PDE3A: variants seen among roughly 807,000 people sequenced by gnomAD.
PDE3A encodes the protein phosphodiesterase 3A.
A neutral mutation model predicts 98.3 loss-of-function variants in PDE3A; 43 were observed. That is an observed-to-expected ratio of 0.44 (90% CI 0.34 to 0.56). The LOEUF is 0.56. PDE3A is among the 20% of genes least tolerant of loss of function. The pLI, the probability that PDE3A is intolerant of heterozygous loss-of-function variation, is 0.01. For synonymous variants in PDE3A, 663 were observed against 567.9 expected (o/e 1.17, Z -2.38); for missense variants, 1,427 against 1,440.7 (o/e 0.99, Z 0.15).
intron 1 of PDE3A, among the ~76,000 whole-genome samples, chr12:20,517,810 A>C (rs940611728): frequency 6.6e-5 from 10 of 152,132 alleles, no homozygotes; most frequent in African/African-American, 2.2e-4. Context: ...TCAAATTAGA[A>C]TGTGCACACC....
chr12:20,586,678 T>C (rs1345847052), intron 2 of PDE3A, among the ~76,000 whole-genome samples: 4 of 152,348 alleles, frequency 2.6e-5, no homozygotes, highest in East Asian at 3.9e-4. Flanking sequence ...TTAAAGGTTA[T>C]TGTTAATATT....
At chr12:20,440,367 A>G (rs1418282632) in intron 1 of PDE3A, among the ~76,000 whole-genome samples, 1 of 152,166 alleles carries the variant, frequency 6.6e-6, no homozygotes, top group East Asian at 1.9e-4. Flanking sequence ...TGTGAAGTAG[A>G]CGTTAATATT....
chr12:20,511,417 TAC>T (rs71884926), intron 1 of PDE3A, among the ~76,000 whole-genome samples: 32,763 of 147,836 alleles, frequency 0.22, 3,610 homozygotes, highest in Non-Finnish European at 0.24. Flanking sequence ...AGTGCTCAAA[TAC>T]ACACACACAC....
At position 20,368,946 on chromosome 12, in the gene PDE3A, A is replaced by T. The variant is rs1321759724; in HGVS notation, c.-339A>T. 6.6e-6 allele frequency among the ~76,000 whole-genome samples: 1 copy of T among 151,896 alleles called. No homozygotes were observed. Among genetic ancestry groups the T allele is most frequent in the East Asian group, 1.9e-4 (1 of 5,136 alleles). On this transcript the variant is annotated 5_prime_UTR_variant, in exon 1 of 16. Transcript: ENST00000359062. ...CTGAAGTAGGAAGAGACCCCGGAGG[A>T]TATAAGTCGGGGGTGGGGGTGGAGC...
At chr12:20,599,341 A>G (rs1236599008) in intron 2 of PDE3A, among the ~76,000 whole-genome samples, 1 of 152,056 alleles carries the variant, frequency 6.6e-6, no homozygotes, top group African/African-American at 2.4e-5. Flanking sequence ...TTTCAAGTCA[A>G]ATTTTATGCT....
At chr12:20,373,290 T>C (rs1943512014) in intron 1 of PDE3A, among the ~76,000 whole-genome samples, 1 of 152,104 alleles carries the variant, frequency 6.6e-6, no homozygotes, top group Admixed American at 6.6e-5. Context: ...TGTTAAGGTG[T>C]GTGTATCTTT....
Position 20,385,983 on chromosome 12 carries a change from T to TAATATATATATAAATATATA in PDE3A, c.960+15749_960+15750insTAAATATATAAATATATATA, listed in dbSNP as rs1565532260. ...ATTAATTATATTAATTATTAATATA[T>TAATATATATATAAATATATA]AATATATATAAAATATATATATAAA... On this transcript the variant is annotated intron_variant, in intron 1 of 15. Coordinates refer to ENST00000359062, the MANE Select transcript of PDE3A (RefSeq NM_000921.5). Among the ~76,000 whole-genome samples the TAATATATATATAAATATATA allele has an allele frequency of 3.6e-3, 255 of 69,868 alleles. 24 individuals carry two copies. The highest frequency in any genetic ancestry group is 0.012 in the African/African-American group (247 of 20,088). The allele number at this position is 69,868 out of a possible 152,430, so 45.8% of individuals were successfully genotyped here.
chr12:20,397,407 C>A (rs1027555226), intron 1 of PDE3A, among the ~76,000 whole-genome samples: 1 of 151,950 alleles, frequency 6.6e-6, no homozygotes, highest in African/African-American at 2.4e-5. Flanking sequence ...ACGTTTTGAG[C>A]CCTTTTGGTA....
intron 13 of PDE3A, 102 bp from the exon 14 acceptor site, chr12:20,650,343 C>T: frequency 4.8e-6 from 3 of 630,338 alleles, no homozygotes; most frequent in South Asian, 2.9e-5. Flanking sequence ...TATTATGATC[C>T]CTATATAATA....
rs534039158 is a variant in PDE3A at position 20,552,159 on chromosome 12, C to T, written c.961-4501C>T. 6 of 1,613,728 alleles carry T rather than the reference C, an allele frequency of 3.7e-6. No homozygotes were observed. The South Asian group carries it at 5.5e-5, about 15-fold the overall frequency. On this transcript the variant is annotated intron_variant, in intron 1 of 15. Transcript: ENST00000359062. This position sits in a 1 kb window ranked among gnomAD's most constrained non-coding sequence, Gnocchi z 5.1. ...CCAACACCAACAGGGCGCTGGCTCT[C>T]AACTGCTTTGCTCCCATCAATGACC...
chr12:20,663,796 G>A (rs993706105), intron 15 of PDE3A, among the ~76,000 whole-genome samples: 3 of 152,140 alleles, frequency 2.0e-5, no homozygotes, highest in Non-Finnish European at 4.4e-5. Flanking sequence ...GTTAATGCTG[G>A]AATGAGTTAA....
At chr12:20,639,452 A>AT (rs1202387360) in intron 9 of PDE3A, among the ~76,000 whole-genome samples, 4 of 151,898 alleles carry the variant, frequency 2.6e-5, no homozygotes, top group Admixed American at 6.6e-5. Flanking sequence ...ACTTTTTGGG[A>AT]TTTTTCCTTT....
chr12:20,424,058 G>A (rs1004682585), intron 1 of PDE3A, among the ~76,000 whole-genome samples: 5 of 152,110 alleles, frequency 3.3e-5, no homozygotes, highest in Non-Finnish European at 4.4e-5. Context: ...ACCAGAGGTA[G>A]AAAGTAGTGG....
chr12:20,680,508 G>C lies in PDE3A; in HGVS notation c.*237G>C. 2.0e-6 allele frequency: 1 copy of C among 496,550 alleles called. No individual in the cohort carries two copies. Among genetic ancestry groups the C allele is most frequent in the Non-Finnish European group, 3.7e-6 (1 of 273,078 alleles). 30.8% of individuals were successfully genotyped at this position (496,550 alleles called of 1,614,324 possible). ...AGCTTCTAAGGATTTTTTAAGGAGG[G>C]AATATATATGTGTGTGTGTATATAA... On this transcript the variant is annotated 3_prime_UTR_variant, in exon 16 of 16. Transcript: ENST00000359062.
Position 20,688,323 on chromosome 12 carries a change from C to T in PDE3A, c.*8052C>T, listed in dbSNP as rs955527304. ...CAAGTATTGTTAGGCGACTTAGTGG[C>T]GGAGAAATGTTTGTAAAAAGTAGAA... On this transcript the variant is annotated 3_prime_UTR_variant, in exon 16 of 16. Coordinates refer to ENST00000359062, the MANE Select transcript of PDE3A (RefSeq NM_000921.5). 4.0e-5 allele frequency among the ~76,000 whole-genome samples: 6 copies of T among 151,622 alleles called. No homozygotes were observed. In the South Asian group the frequency reaches 6.3e-4, roughly 16 times the overall value.
intron 2 of PDE3A, among the ~76,000 whole-genome samples, chr12:20,574,917 C>T (rs1278999010): frequency 6.6e-6 from 1 of 151,994 alleles, no homozygotes; most frequent in Admixed American, 6.6e-5. Flanking sequence ...AGGAGGATCC[C>T]ACCATTACAC....
chr12:20,581,298 T>A (rs926399081), intron 2 of PDE3A, among the ~76,000 whole-genome samples: 1 of 152,182 alleles, frequency 6.6e-6, no homozygotes, highest in Admixed American at 6.6e-5. Flanking sequence ...TTCATGACTT[T>A]GTGGCAAAAT....
chr12:20,566,631 G>A lies in PDE3A; in HGVS notation c.1011+9921G>A, dbSNP rs546956106. On this transcript the variant is annotated intron_variant, in intron 2 of 15. Transcript: ENST00000359062. ...TCATGATCAGTCAGGAAGATGTAGC[G>A]CAAACAGATATAAAAGCTCTAGTTC... Among the ~76,000 whole-genome samples the A allele has an allele frequency of 1.4e-4, 21 of 151,858 alleles. No individual in the cohort carries two copies. The South Asian group carries it at 1.7e-3, about 12-fold the overall frequency.
intron 1 of PDE3A, among the ~76,000 whole-genome samples, chr12:20,553,617 C>G (rs1395614712): frequency 6.6e-6 from 1 of 150,414 alleles, no homozygotes; most frequent in Non-Finnish European, 1.5e-5. Context: ...GACTGCTTAG[C>G]GTCTGAGATC....
Sources: allele counts gnomAD v4.1 joint callset (sites outside exome capture counted in the v4.1 genomes callset), GRCh38; gene constraint gnomAD v4.1.1; non-coding constraint Gnocchi (gnomAD v3.1); transcripts MANE v1.5; gene names NCBI Gene and HGNC (gene_info 2026-07-23, HGNC 2026-07-21).